Variants in PON2 observed in about 807,000 individuals in gnomAD.
PON2 encodes serum paraoxonase/arylesterase 2.
Under a neutral mutation model 36.6 loss-of-function variants are expected in PON2, and 27 were observed. The ratio of observed to expected loss-of-function variants is 0.74; its 90% CI spans 0.54 to 1.02. PON2 has a LOEUF of 1.02. Ranked by LOEUF, PON2 falls within the 50% of genes least tolerant of loss-of-function variation. PON2 has a pLI of 0.00. For missense variants in PON2, 363 were observed against 421.1 expected, an observed-to-expected ratio of 0.86 and a Z score of 1.21; for synonymous variants, 149 against 156.3, an observed-to-expected ratio of 0.95 and a Z score of 0.35.
chr7:95,429,436 A>G (rs907137290), intron 1 of PON2, among the ~76,000 whole-genome samples: 2 of 152,164 alleles, frequency 1.3e-5, no homozygotes, highest in African/African-American at 4.8e-5. Flanking sequence ...TCTATCATTG[A>G]CGGACATTTG....
intron 8 of PON2, 101 bp downstream of exon 8, chr7:95,406,018 G>T: frequency 7.4e-7 from 1 of 1,351,950 alleles, no homozygotes; most frequent in Non-Finnish European, 1.0e-6. Flanking sequence ...TTATATTATT[G>T]CTTTAAAATA....
chr7:95,425,353 T>C (rs1214683818), intron 1 of PON2, among the ~76,000 whole-genome samples: 4 of 152,166 alleles, frequency 2.6e-5, no homozygotes, highest in Non-Finnish European at 5.9e-5. Context: ...TAAGAGAATG[T>C]TGAACTCTAA....
At chr7:95,418,693 G>T (rs188155637) in intron 2 of PON2, among the ~76,000 whole-genome samples, 179 of 151,736 alleles carry the variant, frequency 1.2e-3, no homozygotes, top group Non-Finnish European at 2.3e-3. Flanking sequence ...TTTTATTCTA[G>T]TGATATACAT....
At chr7:95,411,541 A>G (rs1788924006) in intron 5 of PON2, 112 bp downstream of exon 5, 1 of 1,305,152 alleles carries the variant, frequency 7.7e-7, no homozygotes, top group Non-Finnish European at 1.1e-6. Context: ...TAGCTCTTAC[A>G]TATTAGCTAA....
At chr7:95,421,404 G>A (rs181089525) in intron 2 of PON2, among the ~76,000 whole-genome samples, 19 of 152,336 alleles carry the variant, frequency 1.2e-4, no homozygotes, top group Admixed American at 1.2e-3. Flanking sequence ...TATTAACTCA[G>A]CAGCAAAAGT....
chr7:95,408,920 G>T (rs974644075), intron 6 of PON2, among the ~76,000 whole-genome samples: 1 of 152,196 alleles, frequency 6.6e-6, no homozygotes, highest in Non-Finnish European at 1.5e-5. Flanking sequence ...CTGTTCTACA[G>T]AAAAGTAGCT....
rs1033913400 is a variant in PON2 at position 95,434,968 on chromosome 7, G to T, written c.-17C>A. 1 of 1,520,858 alleles carries T rather than the reference G, an allele frequency of 6.6e-7. No individual in the cohort carries two copies. The highest frequency in any genetic ancestry group is 1.4e-5 in the African/African-American group (1 of 69,998). The allele number at this position is 1,520,858 out of a possible 1,614,324, so 94.2% of individuals were successfully genotyped here. On this transcript the variant is annotated 5_prime_UTR_variant, in exon 1 of 9. Coordinates refer to ENST00000222572, the MANE Select transcript of PON2 (RefSeq NM_000305.3). ...CCGCCCCATGGCGCGGGAGCCGGGC[G>T]CGCTGCCTCGCTCCGGCCTGGCCAG...
chr7:95,412,227 C>G, intron 4 of PON2, 85 bp downstream of exon 4: 1 of 1,538,450 alleles, frequency 6.5e-7, no homozygotes, highest in Non-Finnish European at 9.0e-7. Context: ...TCTTCTCTTC[C>G]TAGAAATATG....
chr7:95,412,322 G>GA lies in PON2; in HGVS notation c.356dup (p.Ile120HisfsTer5). Reference sequence around the variant, plus strand: ...CCCATTGGCTCTTACCGTTGTCTATGAAAGTGCTGATGCCATGTGGATTGA... The same window carrying GA: ...CCCATTGGCTCTTACCGTTGTCTATGAAAAGTGCTGATGCCATGTGGATTGA... On this transcript the variant is annotated frameshift_variant, in exon 4 of 9. Transcript: ENST00000222572. LOFTEE classifies it high-confidence loss of function. 1 of 1,614,110 alleles carries GA rather than the reference G, an allele frequency of 6.2e-7. No individual in the cohort carries two copies. Among genetic ancestry groups the GA allele is most frequent in the Non-Finnish European group, 8.5e-7 (1 of 1,179,988 alleles).
chr7:95,415,345 A>G (rs183908806), intron 3 of PON2: 46 of 152,272 alleles, frequency 3.0e-4, no homozygotes, highest in African/African-American at 1.1e-3. Context: ...TCACAAGCCA[A>G]TTGTTTTTAA....
At chr7:95,420,091 A>C (rs1343318597) in intron 2 of PON2, among the ~76,000 whole-genome samples, 1 of 152,098 alleles carries the variant, frequency 6.6e-6, no homozygotes, top group East Asian at 1.9e-4. Context: ...CTTGAGCCTC[A>C]GGTACTTATC....
At chr7:95,428,307 C>T (rs1345695418) in intron 1 of PON2, among the ~76,000 whole-genome samples, 2 of 152,176 alleles carry the variant, frequency 1.3e-5, no homozygotes, top group Non-Finnish European at 2.9e-5. Flanking sequence ...CCGCTGGCTT[C>T]CTTCATTGGT....
Position 95,434,931 on chromosome 7 carries a change from C to T in PON2, c.21G>A (p.Val7=). 1 of 1,535,510 alleles carries T rather than the reference C, an allele frequency of 6.5e-7. No individual in the cohort carries two copies. Among genetic ancestry groups the T allele is most frequent in the Non-Finnish European group, 8.7e-7 (1 of 1,144,046 alleles). ...GCGCCAGCGCGATCCCCAGCAAGCC[C>T]ACAGCCACCAGCCGCCCCATGGCGC... MGRLVA[V]GLLGIALALL... is the part of the protein sequence containing the mutation. The change falls in exon 1 of 9, where the codon GTG becomes GTA. Residue 7 remains valine, a synonymous_variant. Coordinates refer to ENST00000222572, the MANE Select transcript of PON2 (RefSeq NM_000305.3).
intron 2 of PON2, 104 bp from the exon 3 acceptor site, chr7:95,416,401 A>G: frequency 1.5e-6 from 2 of 1,312,872 alleles, no homozygotes; most frequent in Non-Finnish European, 2.2e-6. Context: ...CTGTATCTTT[A>G]GGGATGGTTC....
intron 3 of PON2, chr7:95,415,258 C>T (rs1789034542): frequency 6.6e-6 from 1 of 152,214 alleles, no homozygotes; most frequent in South Asian, 2.1e-4. Context: ...AGAACCTCCT[C>T]ATCTGTCCCC....
At chr7:95,432,681 C>T (rs1304282522) in intron 1 of PON2, among the ~76,000 whole-genome samples, 1 of 152,142 alleles carries the variant, frequency 6.6e-6, no homozygotes, top group Non-Finnish European at 1.5e-5. Flanking sequence ...CAGGACAGAT[C>T]ATATACAAAG....
At chr7:95,422,213 AG>A (rs1789209033) in intron 2 of PON2, among the ~76,000 whole-genome samples, 1 of 152,252 alleles carries the variant, frequency 6.6e-6, no homozygotes, top group Non-Finnish European at 1.5e-5. Flanking sequence ...TGATGTGGAA[AG>A]CTGCTCACAC....
intron 1 of PON2, among the ~76,000 whole-genome samples, chr7:95,431,654 T>C (rs1297914744): frequency 1.3e-5 from 2 of 151,804 alleles, no homozygotes; most frequent in Non-Finnish European, 2.9e-5. Context: ...CCCTGACCTC[T>C]AGTGATCTGC....
chr7:95,406,335 G>A (rs372302899), intron 7 of PON2, 88 bp from the exon 8 acceptor site: 2 of 1,407,786 alleles, frequency 1.4e-6, no homozygotes, highest in Non-Finnish European at 2.0e-6. Context: ...CTATGCATGT[G>A]AGGAAATTAC....
Sources: allele counts gnomAD v4.1 joint callset (sites outside exome capture counted in the v4.1 genomes callset), GRCh38; gene constraint gnomAD v4.1.1; transcripts MANE v1.5; gene names NCBI Gene and HGNC (gene_info 2026-07-23, HGNC 2026-07-21).